The following CDKAL1 variants were observed in gnomAD, a reference collection of about 807,000 sequenced individuals.
CDKAL1 encodes threonylcarbamoyladenosine tRNA methylthiotransferase.
Under a neutral mutation model 68.2 loss-of-function variants are expected in CDKAL1, and 32 were observed. That is an observed-to-expected ratio of 0.47 (90% CI 0.35 to 0.63). CDKAL1 has a LOEUF of 0.63. CDKAL1 is among the 30% of genes least tolerant of loss of function. The pLI is 0.00. For synonymous variants in CDKAL1, 234 were observed against 244.3 expected, an observed-to-expected ratio of 0.96 and a Z score of 0.39; for missense variants, 606 against 696.7, an observed-to-expected ratio of 0.87 and a Z score of 1.47.
At chr6:20,911,407 A>T (rs1400589195) in intron 9 of CDKAL1, among the ~76,000 whole-genome samples, 1 of 152,226 alleles carries the variant, frequency 6.6e-6, no homozygotes, top group African/African-American at 2.4e-5. Flanking sequence ...CTGTTGAGTT[A>T]GATTGTCTTC....
At chr6:20,578,251 T>C (rs1415795529) in intron 4 of CDKAL1, among the ~76,000 whole-genome samples, 1 of 152,152 alleles carries the variant, frequency 6.6e-6, no homozygotes, top group Non-Finnish European at 1.5e-5. Flanking sequence ...TTTTTTCCCA[T>C]TTATGCACCT....
chr6:21,003,357 TATATATATATATATAC>T (rs1309950518), intron 11 of CDKAL1, among the ~76,000 whole-genome samples: 1 of 51,446 alleles, frequency 1.9e-5, no homozygotes, highest in Admixed American at 2.4e-4. Context: ...TATATATATA[TATATATATATATATAC>T]ACACACACAC....
At chr6:20,546,549 T>C (rs1041949652) in intron 3 of CDKAL1, 26 bp downstream of exon 3, 1 of 1,596,990 alleles carries the variant, frequency 6.3e-7, no homozygotes, top group Middle Eastern at 1.7e-4. Flanking sequence ...TGAAATTATA[T>C]TCATTTTCTT....
chr6:20,777,988 A>C (rs1404943365), intron 7 of CDKAL1, among the ~76,000 whole-genome samples: 1 of 152,232 alleles, frequency 6.6e-6, no homozygotes, highest in African/African-American at 2.4e-5. Context: ...GCAAAACCAC[A>C]GATAAGTGGT....
intron 4 of CDKAL1, among the ~76,000 whole-genome samples, chr6:20,606,020 A>G (rs894831275): frequency 2.0e-5 from 3 of 152,168 alleles, no homozygotes; most frequent in Admixed American, 6.5e-5. Flanking sequence ...ACTGCAGCCA[A>G]GTCTGGAAAC....
intron 13 of CDKAL1, among the ~76,000 whole-genome samples, chr6:21,112,491 C>T (rs941704773): frequency 1.3e-5 from 2 of 152,140 alleles, no homozygotes; most frequent in African/African-American, 4.8e-5. Context: ...GGGCTTCTTG[C>T]TTTCTTTTAG....
Position 21,169,922 on chromosome 6 carries a change from C to CCG in CDKAL1, c.1300-28098_1300-28097insGC, listed in dbSNP as rs949863707. ...TCTCACCAGAACAGTACGGGAAAGA[C>CCG]CCCCCCCACCCCATGATTCAGTTAC... On this transcript the variant is annotated intron_variant, in intron 13 of 15. Coordinates refer to ENST00000274695, the MANE Select transcript of CDKAL1 (RefSeq NM_017774.3). Among the ~76,000 whole-genome samples, 10 of 27,526 alleles carry CCG rather than the reference C, an allele frequency of 3.6e-4. 1 individual carries two copies. Among genetic ancestry groups the CCG allele is most frequent in the African/African-American group, 1.4e-3 (3 of 2,182 alleles). The allele number at this position is 27,526 out of a possible 152,430, so 18.1% of individuals were successfully genotyped here. A position where few individuals can be genotyped will look rare whatever the true frequency, so the allele number is the denominator to read the frequency against.
intron 11 of CDKAL1, among the ~76,000 whole-genome samples, chr6:21,040,607 C>T (rs1231176144): frequency 3.3e-5 from 5 of 152,112 alleles, no homozygotes; most frequent in Non-Finnish European, 5.9e-5. Context: ...AATTTAGGCA[C>T]ATATCAATGA....
intron 11 of CDKAL1, among the ~76,000 whole-genome samples, chr6:21,026,983 ATCT>A (rs1334940564): frequency 6.6e-6 from 1 of 151,848 alleles, no homozygotes; most frequent in African/African-American, 2.4e-5. Flanking sequence ...TTATTCTCTA[ATCT>A]TCTGGCTTCT....
At chr6:21,172,907 C>T (rs201793729) in intron 13 of CDKAL1, among the ~76,000 whole-genome samples, 111 of 152,066 alleles carry the variant, frequency 7.3e-4, no homozygotes, top group African/African-American at 2.2e-3. Context: ...CCAATGACTA[C>T]GCATTTCATT....
intron 11 of CDKAL1, among the ~76,000 whole-genome samples, chr6:21,046,338 G>T (rs1010374052): frequency 2.6e-5 from 4 of 152,184 alleles, no homozygotes; most frequent in Admixed American, 6.5e-5. Flanking sequence ...TTGGCATAGG[G>T]TCAGCTACCA....
intron 9 of CDKAL1, among the ~76,000 whole-genome samples, chr6:20,922,512 G>T (rs1290664454): frequency 6.6e-6 from 1 of 152,178 alleles, no homozygotes; most frequent in South Asian, 2.1e-4. Context: ...GTGTATGGGT[G>T]TGTGTACTAT....
chr6:20,873,531 A>G (rs199654477), intron 9 of CDKAL1, among the ~76,000 whole-genome samples: 2 of 152,190 alleles, frequency 1.3e-5, no homozygotes, highest in East Asian at 3.9e-4. Flanking sequence ...AGAATCACAA[A>G]GAAGTTAAAC....
intron 4 of CDKAL1, among the ~76,000 whole-genome samples, chr6:20,596,730 T>C (rs1765842803): frequency 6.6e-6 from 1 of 152,194 alleles, no homozygotes; most frequent in Non-Finnish European, 1.5e-5. Flanking sequence ...CTCCTGCAGC[T>C]AGCTCAGTGT....
chr6:20,892,770 T>G (rs971234148), intron 9 of CDKAL1, among the ~76,000 whole-genome samples: 7 of 152,330 alleles, frequency 4.6e-5, no homozygotes, highest in Non-Finnish European at 2.9e-5. Flanking sequence ...AAGATTTTGT[T>G]GCAGTATTTT....
intron 15 of CDKAL1, among the ~76,000 whole-genome samples, chr6:21,201,781 C>G (rs1778701873): frequency 6.6e-6 from 1 of 151,746 alleles, no homozygotes; most frequent in Admixed American, 6.6e-5. Flanking sequence ...TTTTTTCTTT[C>G]TATAAAAAAG....
intron 10 of CDKAL1, among the ~76,000 whole-genome samples, chr6:20,969,788 G>A (rs1765499299): frequency 6.6e-6 from 1 of 152,132 alleles, no homozygotes; most frequent in Non-Finnish European, 1.5e-5. Flanking sequence ...TTTAGCCAGA[G>A]GTGAGAGTTT....
chr6:21,036,898 T>A (rs1351491889), intron 11 of CDKAL1, among the ~76,000 whole-genome samples: 1 of 152,138 alleles, frequency 6.6e-6, no homozygotes, highest in African/African-American at 2.4e-5. Context: ...ACTGTTGGTG[T>A]TGGTCCTGAT....
chr6:20,659,177 G>T (rs1769169412), intron 5 of CDKAL1, among the ~76,000 whole-genome samples: 1 of 152,066 alleles, frequency 6.6e-6, no homozygotes, highest in Admixed American at 6.6e-5. Flanking sequence ...TCATTAGAAG[G>T]TAAAAAATCA....
Sources: gnomAD v4.1 joint callset for allele counts (sites outside exome capture counted in the v4.1 genomes callset) on GRCh38, gnomAD v4.1.1 for gene constraint, MANE v1.5 for transcripts, NCBI Gene and HGNC (gene_info 2026-07-23, HGNC 2026-07-21) for gene names.